Variants in LDLRAD4 observed in about 807,000 individuals in gnomAD.
LDLRAD4 encodes low density lipoprotein receptor class A domain containing 4.
A neutral mutation model predicts 17.0 loss-of-function variants in LDLRAD4; 5 were observed. The observed-to-expected ratio is 0.29, with a 90% CI of 0.15 to 0.62. The LOEUF is 0.62. LDLRAD4 is among the 20% of genes least tolerant of loss of function. LDLRAD4 has a pLI of 0.84. For synonymous variants in LDLRAD4, 168 were observed against 171.8 expected, an observed-to-expected ratio of 0.98 and a Z score of 0.17; for missense variants, 340 against 424.7, an observed-to-expected ratio of 0.80 and a Z score of 1.75.
chr18:13,337,740 T>TAAA lies in LDLRAD4; in HGVS notation c.-382-49587_-382-49585dup, dbSNP rs5823248. On this transcript the variant is annotated intron_variant, in intron 1 of 5. Coordinates refer to ENST00000359446, the Ensembl canonical transcript of LDLRAD4. ...AGCAAAACCTTGTCTTTACAAAAAG[T>TAAA]AAAAAAAAAAAAAAAAGAGTTAGCC... Among the ~76,000 whole-genome samples, 139 of 135,724 alleles carry TAAA rather than the reference T, an allele frequency of 1.0e-3. 2 individuals are homozygous for TAAA. The highest frequency in any genetic ancestry group is 3.8e-3 in the Middle Eastern group (1 of 262). The allele number at this position is 135,724 out of a possible 152,430, so 89.0% of individuals were successfully genotyped here.
chr18:13,514,576 C>T (rs968876513), intron 3 of LDLRAD4: 2 of 152,120 alleles, frequency 1.3e-5, no homozygotes, highest in Non-Finnish European at 1.5e-5. Context: ...CCGTGGTAGC[C>T]CTCTCTGGGG....
chr18:13,441,014 GA>G (rs1342375844), intron 3 of LDLRAD4, among the ~76,000 whole-genome samples: 1 of 152,212 alleles, frequency 6.6e-6, no homozygotes, highest in African/African-American at 2.4e-5. Flanking sequence ...GTCATGGGGA[GA>G]CGCTCACGGC....
At chr18:13,565,839 G>A (rs1489825558) in intron 3 of LDLRAD4, among the ~76,000 whole-genome samples, 2 of 152,226 alleles carry the variant, frequency 1.3e-5, no homozygotes, top group East Asian at 3.9e-4. Flanking sequence ...GCACATTTTG[G>A]ACGGGGCCTT....
intron 3 of LDLRAD4, among the ~76,000 whole-genome samples, chr18:13,616,924 C>A (rs1018347828): frequency 2.6e-5 from 4 of 152,084 alleles, no homozygotes; most frequent in Non-Finnish European, 4.4e-5. Context: ...GCCCGTGAAC[C>A]CCCAGGGCCG....
At chr18:13,246,199 G>T (rs2145755760) in intron 1 of LDLRAD4, among the ~76,000 whole-genome samples, 1 of 152,354 alleles carries the variant, frequency 6.6e-6, no homozygotes, top group East Asian at 1.9e-4. Flanking sequence ...TCACTGAAGA[G>T]CTAATTGCAG....
At chr18:13,641,948 A>G in intron 4 of LDLRAD4, 2 of 985,318 alleles carry the variant, frequency 2.0e-6, no homozygotes, top group Non-Finnish European at 2.4e-6. Context: ...TCCCGGAGCG[A>G]GGAGCGCCCC....
At chr18:13,634,738 T>G (rs1039202177) in intron 4 of LDLRAD4, among the ~76,000 whole-genome samples, 2 of 151,646 alleles carry the variant, frequency 1.3e-5, no homozygotes, top group African/African-American at 4.9e-5. Flanking sequence ...CGTTTATATA[T>G]TATCTCAAGG....
At chr18:13,219,348 A>G (rs190887799) in intron 1 of LDLRAD4, among the ~76,000 whole-genome samples, 2 of 152,282 alleles carry the variant, frequency 1.3e-5, no homozygotes, top group East Asian at 3.9e-4. Flanking sequence ...TTTTTCCCCC[A>G]AAATTTTTTA....
intron 1 of LDLRAD4, among the ~76,000 whole-genome samples, chr18:13,350,370 T>C (rs1250152594): frequency 1.3e-5 from 2 of 152,260 alleles, no homozygotes; most frequent in African/African-American, 4.8e-5. Flanking sequence ...TTTGCATTTC[T>C]CTAATGACCA....
intron 1 of LDLRAD4, among the ~76,000 whole-genome samples, chr18:13,223,525 G>A (rs1436876519): frequency 6.6e-6 from 1 of 152,140 alleles, no homozygotes; most frequent in African/African-American, 2.4e-5. Context: ...CATTGTTCTC[G>A]GAGTCCGTGG....
chr18:13,528,355 C>T (rs1402483313), intron 3 of LDLRAD4, among the ~76,000 whole-genome samples: 2 of 152,176 alleles, frequency 1.3e-5, no homozygotes, highest in African/African-American at 2.4e-5. Flanking sequence ...CTCTGTCGCC[C>T]AGGCTGTAGT....
chr18:13,484,871 C>G (rs552790104), intron 3 of LDLRAD4, among the ~76,000 whole-genome samples: 2 of 152,130 alleles, frequency 1.3e-5, no homozygotes, highest in African/African-American at 4.8e-5. Flanking sequence ...TTGCTTAAGC[C>G]CACCCTTGGA....
chr18:13,551,792 A>G (rs771180027), intron 3 of LDLRAD4, among the ~76,000 whole-genome samples: 33 of 152,186 alleles, frequency 2.2e-4, no homozygotes, highest in Non-Finnish European at 4.3e-4. Context: ...CACTGCTACA[A>G]AGGAATACCT....
chr18:13,493,714 T>G (rs2093404635), intron 3 of LDLRAD4, among the ~76,000 whole-genome samples: 1 of 152,206 alleles, frequency 6.6e-6, no homozygotes, highest in Non-Finnish European at 1.5e-5. Flanking sequence ...TGAAATGATT[T>G]TTTTCCTCCC....
At chr18:13,512,992 G>A (rs1394829230) in intron 3 of LDLRAD4, among the ~76,000 whole-genome samples, 1 of 152,244 alleles carries the variant, frequency 6.6e-6, no homozygotes, top group Admixed American at 6.5e-5. Context: ...TAGTGCAGTG[G>A]ATGAAGTTTG....
intron 2 of LDLRAD4, among the ~76,000 whole-genome samples, chr18:13,401,043 G>A (rs1396330486): frequency 6.6e-6 from 1 of 152,188 alleles, no homozygotes; most frequent in Non-Finnish European, 1.5e-5. Flanking sequence ...GCAAGAGATG[G>A]GGGGAATGGC....
intron 1 of LDLRAD4, among the ~76,000 whole-genome samples, chr18:13,386,636 C>T (rs2085826232): frequency 6.6e-6 from 1 of 152,178 alleles, no homozygotes; most frequent in African/African-American, 2.4e-5. Flanking sequence ...TCCCAAATTG[C>T]TGGGATTACA....
chr18:13,264,001 G>A (rs1239050368), intron 1 of LDLRAD4, among the ~76,000 whole-genome samples: 2 of 152,132 alleles, frequency 1.3e-5, no homozygotes, highest in Non-Finnish European at 2.9e-5. Flanking sequence ...AAAGAATTTT[G>A]GATGAAACTA....
intron 2 of LDLRAD4, among the ~76,000 whole-genome samples, chr18:13,429,241 C>T (rs1461351181): frequency 6.6e-6 from 1 of 152,072 alleles, no homozygotes; most frequent in Non-Finnish European, 1.5e-5. Flanking sequence ...CCTGGCCAGG[C>T]GGTGTTGGTG....
Sources: gnomAD v4.1 joint callset for allele counts (sites outside exome capture counted in the v4.1 genomes callset) on GRCh38, gnomAD v4.1.1 for gene constraint, MANE v1.5 for transcripts, NCBI Gene and HGNC (gene_info 2026-07-23, HGNC 2026-07-21) for gene names.